Variants in CNTNAP5 observed in about 807,000 individuals in gnomAD.
The protein encoded by CNTNAP5 is contactin associated protein family member 5.
CNTNAP5 carries 72 observed loss-of-function variants against 150.2 expected under a neutral mutation model. The observed-to-expected ratio is 0.48, with a 90% confidence interval of 0.40 to 0.58. The LOEUF (loss-of-function observed/expected upper bound fraction) is 0.58. Ranked by LOEUF, CNTNAP5 falls within the 20% of genes least tolerant of loss-of-function variation. CNTNAP5 has a pLI of 0.00. For missense variants in CNTNAP5, 1,636 were observed against 1,626.2 expected (o/e 1.01, Z -0.10); for synonymous variants, 672 against 619.8 (o/e 1.08, Z -1.25).
At chr2:124,351,233 C>T (rs917566126) in intron 3 of CNTNAP5, among the ~76,000 whole-genome samples, 1 of 152,208 alleles carries the variant, frequency 6.6e-6, no homozygotes, top group African/African-American at 2.4e-5. Context: ...ACTTTGCAGA[C>T]CCCTGAGAGT....
chr2:124,187,944 T>A (rs576301930), intron 1 of CNTNAP5, among the ~76,000 whole-genome samples: 2 of 152,224 alleles, frequency 1.3e-5, no homozygotes, highest in Non-Finnish European at 2.9e-5. Flanking sequence ...TCTTCTGATA[T>A]TATGGTTTAT....
chr2:124,790,634 C>T (rs532917660), intron 18 of CNTNAP5, among the ~76,000 whole-genome samples: 2 of 152,220 alleles, frequency 1.3e-5, no homozygotes, highest in South Asian at 2.1e-4. Flanking sequence ...GTGACTTGAG[C>T]GAATGTCTGA....
chr2:124,288,771 G>A (rs1247833670), intron 3 of CNTNAP5, among the ~76,000 whole-genome samples: 4 of 152,160 alleles, frequency 2.6e-5, no homozygotes, highest in Non-Finnish European at 2.9e-5. Context: ...TACACTGCCC[G>A]TTTTTCCTGC....
intron 19 of CNTNAP5, among the ~76,000 whole-genome samples, chr2:124,852,303 T>C (rs1177415451): frequency 6.6e-6 from 1 of 152,140 alleles, no homozygotes; most frequent in Non-Finnish European, 1.5e-5. Flanking sequence ...GACATTATTG[T>C]GTGGCTCTCA....
intron 1 of CNTNAP5, among the ~76,000 whole-genome samples, chr2:124,179,218 A>C (rs1685143640): frequency 6.6e-6 from 1 of 151,992 alleles, no homozygotes; most frequent in Non-Finnish European, 1.5e-5. Context: ...GTACAGCAGT[A>C]GCGTGATCTC....
At chr2:124,840,250 A>G (rs1682918478) in intron 19 of CNTNAP5, among the ~76,000 whole-genome samples, 1 of 152,048 alleles carries the variant, frequency 6.6e-6, no homozygotes, top group African/African-American at 2.4e-5. Flanking sequence ...AAGCAACACT[A>G]TCAGGTATGG....
intron 1 of CNTNAP5, among the ~76,000 whole-genome samples, chr2:124,035,463 C>G (rs1193353497): frequency 6.6e-6 from 1 of 151,958 alleles, no homozygotes; most frequent in African/African-American, 2.4e-5. Context: ...CTTCCTGTTG[C>G]AATTAACTTT....
intron 14 of CNTNAP5, among the ~76,000 whole-genome samples, chr2:124,750,944 A>G (rs1444743319): frequency 1.4e-5 from 2 of 141,430 alleles, no homozygotes; most frequent in Non-Finnish European, 3.0e-5. Context: ...AGATCGCGCC[A>G]CTGCACTCCA....
chr2:124,706,827 AGAG>A (rs1679660893), intron 13 of CNTNAP5, among the ~76,000 whole-genome samples: 2 of 15,736 alleles, frequency 1.3e-4, no homozygotes, highest in African/African-American at 5.0e-4. Context: ...AGGAGGAGGA[AGAG>A]GAGGAGGGGG....
At chr2:124,029,633 CT>C (rs1244759810) in intron 1 of CNTNAP5, among the ~76,000 whole-genome samples, 1 of 152,016 alleles carries the variant, frequency 6.6e-6, no homozygotes, top group Non-Finnish European at 1.5e-5. Flanking sequence ...AATGACTATC[CT>C]CTAAATTGCA....
chr2:124,898,253 C>T (rs371066770), intron 21 of CNTNAP5, among the ~76,000 whole-genome samples: 3 of 151,438 alleles, frequency 2.0e-5, no homozygotes, highest in Middle Eastern at 3.2e-3. Flanking sequence ...TGTTACACTT[C>T]AGAATTCAAG....
chr2:124,647,264 G>C (rs1678222526), intron 12 of CNTNAP5, among the ~76,000 whole-genome samples: 1 of 151,946 alleles, frequency 6.6e-6, no homozygotes, highest in African/African-American at 2.4e-5. Context: ...TGCAGAGTGT[G>C]GATCACACAA....
At chr2:124,637,076 T>C (rs867443908) in intron 12 of CNTNAP5, among the ~76,000 whole-genome samples, 1 of 152,142 alleles carries the variant, frequency 6.6e-6, no homozygotes, top group Non-Finnish European at 1.5e-5. Flanking sequence ...CATAAGAAAA[T>C]AAGCATTAAT....
chr2:124,033,552 C>T (rs925655660), intron 1 of CNTNAP5, among the ~76,000 whole-genome samples: 1 of 152,128 alleles, frequency 6.6e-6, no homozygotes, highest in African/African-American at 2.4e-5. Flanking sequence ...GGAGATGATT[C>T]TCTTTCAGAT....
rs193070383 is a variant in CNTNAP5, at chr2:124,514,021, A to T, written c.1327+9465A>T. Among the ~76,000 whole-genome samples the T allele has an allele frequency of 7.2e-5, 11 of 152,362 alleles. No homozygotes were observed. The East Asian group carries it at 1.9e-3, about 27-fold the overall frequency. ...TTAATGCCTCGGTATTTGAGCTAAG[A>T]TAATGTTAATGAGAAAATCCCATTA... On this transcript the variant is annotated intron_variant, in intron 8 of 23. Coordinates refer to ENST00000682447, the MANE Select transcript of CNTNAP5 (RefSeq NM_001367498.1).
rs540245527 is a variant in CNTNAP5 at position 124,737,426 on chromosome 2, G to A, written c.2078-9803G>A. Among the ~76,000 whole-genome samples the A allele has an allele frequency of 7.3e-4, 111 of 152,256 alleles. 1 individual carries two copies. Among genetic ancestry groups the A allele is most frequent in the Admixed American group, 3.1e-3 (48 of 15,292 alleles). On this transcript the variant is annotated intron_variant, in intron 13 of 23. Coordinates refer to ENST00000682447, the MANE Select transcript of CNTNAP5 (RefSeq NM_001367498.1). Reference sequence around the variant, plus strand: ...TCTATGAAGACCCATGGGAGGACGGGTTCAGGCAGAGAGCAGCAAGCATCA... The same window carrying A: ...TCTATGAAGACCCATGGGAGGACGGATTCAGGCAGAGAGCAGCAAGCATCA...
At chr2:124,207,409 C>G (rs900995184) in intron 1 of CNTNAP5, among the ~76,000 whole-genome samples, 3 of 152,150 alleles carry the variant, frequency 2.0e-5, no homozygotes, top group African/African-American at 7.2e-5. Context: ...AACTTTCAAA[C>G]CAACTCCTTG....
At chr2:124,110,467 T>C (rs887398545) in intron 1 of CNTNAP5, among the ~76,000 whole-genome samples, 2 of 152,172 alleles carry the variant, frequency 1.3e-5, no homozygotes, top group African/African-American at 4.8e-5. Flanking sequence ...AAAACACATA[T>C]TCATATTAAA....
chr2:124,148,621 A>G (rs116237377), intron 1 of CNTNAP5, among the ~76,000 whole-genome samples: 12,636 of 148,508 alleles, frequency 0.085, 733 homozygotes, highest in Non-Finnish European at 0.13. Flanking sequence ...ATTCAAGGAA[A>G]CTATTGATAA....
Sources: gnomAD v4.1 joint callset for allele counts (sites outside exome capture counted in the v4.1 genomes callset) on GRCh38, gnomAD v4.1.1 for gene constraint, MANE v1.5 for transcripts, NCBI Gene and HGNC (gene_info 2026-07-23, HGNC 2026-07-21) for gene names.